Variants in TENM3 observed in about 807,000 individuals in gnomAD.
The protein encoded by TENM3 is teneurin transmembrane protein 3.
A neutral mutation model predicts 255.1 loss-of-function variants in TENM3; 63 were observed. That is an observed-to-expected ratio of 0.25 (90% CI 0.20 to 0.30). The LOEUF is 0.30. Among genes scored for constraint, TENM3 ranks in the 10% least tolerant of loss-of-function variants. The pLI is 1.00. For synonymous variants in TENM3, 1,306 were observed against 1,322.3 expected (o/e 0.99, Z 0.27); for missense variants, 2,929 against 3,461.1 (o/e 0.85, Z 3.86).
intron 1 of TENM3, among the ~76,000 whole-genome samples, chr4:182,154,839 G>C (rs1750593741): frequency 6.6e-6 from 1 of 152,140 alleles, no homozygotes; most frequent in Non-Finnish European, 1.5e-5. Flanking sequence ...GTAATAGTGA[G>C]CATATTATAG....
the TENM3 span, among the ~76,000 whole-genome samples, chr4:181,850,071 C>G: frequency 6.6e-6 from 1 of 151,778 alleles, no homozygotes; most frequent in Non-Finnish European, 1.5e-5. Flanking sequence ...TCTTCTCTCT[C>G]TTTCCCTCCC....
intron 1 of TENM3, among the ~76,000 whole-genome samples, chr4:182,202,528 C>T (rs1754253976): frequency 1.3e-5 from 2 of 152,104 alleles, no homozygotes; most frequent in South Asian, 4.2e-4. Context: ...TGGTCTCGAA[C>T]TCCTGACCTC....
At chr4:182,300,372 AG>A (rs1214774079) in intron 1 of TENM3, among the ~76,000 whole-genome samples, 3 of 152,214 alleles carry the variant, frequency 2.0e-5, no homozygotes, top group African/African-American at 7.2e-5. Context: ...ACAGTTGAAA[AG>A]GGGACAGAAA....
chr4:182,725,627 C>CT lies in TENM3; in HGVS notation c.2369-3330dup, dbSNP rs1219024497. Among the ~76,000 whole-genome samples, 16 of 9,906 alleles carry CT rather than the reference C, an allele frequency of 1.6e-3. No homozygotes were observed. In the South Asian group the frequency reaches 0.068, roughly 42 times the overall value. The allele number at this position is 9,906 out of a possible 152,430, so 6.5% of individuals were successfully genotyped here. ...ACTCAGTTTCATTTGATTTTCTTTT[C>CT]TTTTTTTTCTTTTTTTTTTTTTCTT... is the stretch of plus-strand genomic sequence containing the variant. On this transcript the variant is annotated intron_variant, in intron 13 of 27. Transcript: ENST00000511685.
At chr4:182,251,021 C>T (rs1757976700) in intron 1 of TENM3, among the ~76,000 whole-genome samples, 2 of 152,184 alleles carry the variant, frequency 1.3e-5, no homozygotes, top group African/African-American at 4.8e-5. Flanking sequence ...GAGACAAGAG[C>T]CTTTCCCACC....
intron 1 of TENM3, among the ~76,000 whole-genome samples, chr4:182,272,916 T>C (rs1759741662): frequency 6.6e-6 from 1 of 152,150 alleles, no homozygotes; most frequent in Non-Finnish European, 1.5e-5. Context: ...GACTCGTAGG[T>C]ACCTGCGGTA....
the TENM3 span, among the ~76,000 whole-genome samples, chr4:182,123,274 C>T: frequency 8.5e-5 from 13 of 152,240 alleles, no homozygotes; most frequent in Admixed American, 2.0e-4. Flanking sequence ...TCACTGGAGT[C>T]GCACTTTATA....
chr4:181,622,275 C>A, the TENM3 span, among the ~76,000 whole-genome samples: 1 of 152,154 alleles, frequency 6.6e-6, no homozygotes, highest in Non-Finnish European at 1.5e-5. Flanking sequence ...TTCCTCTCAC[C>A]CTTGCAGCTC....
chr4:182,015,192 G>A, the TENM3 span, among the ~76,000 whole-genome samples: 1 of 152,150 alleles, frequency 6.6e-6, no homozygotes, highest in African/African-American at 2.4e-5. Context: ...ATCTGCCTCG[G>A]GTACTCCTGT....
the TENM3 span, among the ~76,000 whole-genome samples, chr4:182,072,341 C>G: frequency 0.032 from 4,926 of 152,216 alleles, 282 homozygotes; most frequent in African/African-American, 0.11. Flanking sequence ...AGGGTGGACA[C>G]CGGCAGTCAG....
At chr4:181,605,718 G>A in the TENM3 span, among the ~76,000 whole-genome samples, 2 of 152,078 alleles carry the variant, frequency 1.3e-5, no homozygotes, top group Non-Finnish European at 2.9e-5. Flanking sequence ...TACTAGAAAA[G>A]TACTAGAATA....
intron 3 of TENM3, among the ~76,000 whole-genome samples, chr4:182,434,825 T>C (rs570698082): frequency 6.6e-6 from 1 of 152,186 alleles, no homozygotes; most frequent in African/African-American, 2.4e-5. Context: ...GGACCGGTAA[T>C]CTTTGCCAAG....
the TENM3 span, among the ~76,000 whole-genome samples, chr4:181,983,660 G>A: frequency 1.3e-4 from 20 of 152,064 alleles, no homozygotes; most frequent in Admixed American, 2.6e-4. Context: ...ATTTTTAAAT[G>A]ATTTTCTGTT....
At chr4:181,768,035 CTG>C in the TENM3 span, among the ~76,000 whole-genome samples, 46 of 152,272 alleles carry the variant, frequency 3.0e-4, no homozygotes, top group African/African-American at 1.0e-3. Flanking sequence ...CAACTGAAAA[CTG>C]TGGAAAATGT....
At chr4:181,621,137 G>C in the TENM3 span, among the ~76,000 whole-genome samples, 1 of 152,168 alleles carries the variant, frequency 6.6e-6, no homozygotes, top group African/African-American at 2.4e-5. Context: ...TGCTGATATA[G>C]TTAAGAAATT....
the TENM3 span, among the ~76,000 whole-genome samples, chr4:181,832,490 TCC>T: frequency 5.3e-5 from 8 of 152,172 alleles, no homozygotes; most frequent in African/African-American, 1.7e-4. Context: ...AGTAACTGGA[TCC>T]ATTTTTCTGC....
At chr4:182,534,840 A>G (rs189494421) in intron 3 of TENM3, among the ~76,000 whole-genome samples, 128 of 152,296 alleles carry the variant, frequency 8.4e-4, no homozygotes, top group Non-Finnish European at 1.2e-3. Flanking sequence ...TCTGGTTATA[A>G]CTGGATTAAT....
chr4:182,650,309 T>G lies in TENM3; in HGVS notation c.989-3462T>G, dbSNP rs1003491567. On this transcript the variant is annotated intron_variant, in intron 5 of 27. Coordinates refer to ENST00000511685, the MANE Select transcript of TENM3 (RefSeq NM_001080477.4). ...TCAGAAGAGCACAGCGCCCCCAGCTTCTTCTTGCCACTGTCTGCACACCCT... is the reference window on the plus strand; with the variant it reads ...TCAGAAGAGCACAGCGCCCCCAGCTGCTTCTTGCCACTGTCTGCACACCCT... Among the ~76,000 whole-genome samples the G allele has an allele frequency of 9.3e-5, 14 of 150,110 alleles. 1 individual carries two copies. Among genetic ancestry groups the G allele is most frequent in the African/African-American group, 1.2e-4 (5 of 41,262 alleles).
chr4:182,703,441 C>T (rs1211015408), intron 12 of TENM3, among the ~76,000 whole-genome samples: 2 of 152,184 alleles, frequency 1.3e-5, no homozygotes, highest in East Asian at 3.8e-4. Flanking sequence ...GTCCTGTTTT[C>T]CTGTCACTGG....
Sources: gnomAD v4.1 joint callset for allele counts (sites outside exome capture counted in the v4.1 genomes callset) on GRCh38, gnomAD v4.1.1 for gene constraint, MANE v1.5 for transcripts, NCBI Gene and HGNC (gene_info 2026-07-23, HGNC 2026-07-21) for gene names.